TMTC1: variants seen among roughly 807,000 people sequenced by gnomAD.
TMTC1 encodes the protein transmembrane O-mannosyltransferase targeting cadherins 1.
In TMTC1, 73 loss-of-function variants were observed where a neutral mutation model predicts 104.8. The ratio of observed to expected loss-of-function variants is 0.70; its 90% CI spans 0.58 to 0.85. The LOEUF (loss-of-function observed/expected upper bound fraction) is 0.85. Ranked by LOEUF, TMTC1 falls within the 40% of genes least tolerant of loss-of-function variation. TMTC1 has a pLI of 0.00. For synonymous variants in TMTC1, 434 were observed against 428.7 expected (o/e 1.01, Z -0.15); for missense variants, 1,035 against 1,096.1 (o/e 0.94, Z 0.79).
At chr12:29,515,091 C>T (rs1384604885) in intron 15 of TMTC1, among the ~76,000 whole-genome samples, 1 of 152,166 alleles carries the variant, frequency 6.6e-6, no homozygotes, top group Middle Eastern at 3.2e-3. Context: ...CTTTCTTACA[C>T]TCCAGTTTTC....
chr12:29,733,736 T>C (rs1263725062), intron 5 of TMTC1, among the ~76,000 whole-genome samples: 1 of 152,214 alleles, frequency 6.6e-6, no homozygotes, highest in Non-Finnish European at 1.5e-5. Flanking sequence ...GAATCTCTTA[T>C]GAGCTACTTC....
At position 29,502,690 on chromosome 12, in the gene TMTC1, C is replaced by T. The variant is rs906862329; in HGVS notation, c.*4156G>A. ...CATCATTGTTAAGACTTCTTTGGCTCATTTTAGTATAGACTTAAAAGTAAA... is the reference window on the plus strand; with the variant it reads ...CATCATTGTTAAGACTTCTTTGGCTTATTTTAGTATAGACTTAAAAGTAAA... On this transcript the variant is annotated 3_prime_UTR_variant, in exon 18 of 18. Transcript: ENST00000539277. 2.0e-5 allele frequency: 3 copies of T among 152,170 alleles called. No homozygotes were observed. Among genetic ancestry groups the T allele is most frequent in the African/African-American group, 4.8e-5 (2 of 41,438 alleles). 9.4% of individuals were successfully genotyped at this position (152,170 alleles called of 1,614,324 possible).
Position 29,505,975 on chromosome 12 carries a change from C to T in TMTC1, c.*871G>A, listed in dbSNP as rs376000254. 1 of 152,052 alleles carries T rather than the reference C, an allele frequency of 6.6e-6. No individual in the cohort carries two copies. The highest frequency in any genetic ancestry group is 1.5e-5 in the Non-Finnish European group (1 of 68,004). The allele number at this position is 152,052 out of a possible 1,614,324, so 9.4% of individuals were successfully genotyped here. On this transcript the variant is annotated 3_prime_UTR_variant, in exon 18 of 18. Coordinates refer to ENST00000539277, the MANE Select transcript of TMTC1 (RefSeq NM_001193451.2). ...TGAACATTAAGATAATAAAGTAGGA[C>T]ATTTCTCTTAGTTAATATCTTTAAT...
chr12:29,683,354 C>T (rs1204625100), intron 5 of TMTC1, among the ~76,000 whole-genome samples: 5 of 152,076 alleles, frequency 3.3e-5, no homozygotes, highest in Non-Finnish European at 7.4e-5. Flanking sequence ...AAAAAAGCAT[C>T]TAGAAACAGA....
intron 7 of TMTC1, among the ~76,000 whole-genome samples, chr12:29,590,178 A>C (rs1281447183): frequency 6.8e-6 from 1 of 146,672 alleles, no homozygotes; most frequent in Non-Finnish European, 1.5e-5. Context: ...GGCCATATAC[A>C]GTAACAAAAA....
At chr12:29,566,259 A>C (rs1260183404) in intron 9 of TMTC1, among the ~76,000 whole-genome samples, 6 of 152,144 alleles carry the variant, frequency 3.9e-5, no homozygotes, top group Non-Finnish European at 1.5e-5. Context: ...CAGGAAGGTG[A>C]TGTGGCTGGC....
At position 29,724,692 on chromosome 12, in the gene TMTC1, T is replaced by C. The variant is rs375517592; in HGVS notation, c.938+26974A>G. Among the ~76,000 whole-genome samples the C allele has an allele frequency of 3.9e-5, 6 of 152,296 alleles. No individual in the cohort carries two copies. In the South Asian group the frequency reaches 1.0e-3, roughly 26 times the overall value. On this transcript the variant is annotated intron_variant, in intron 5 of 17. Coordinates refer to ENST00000539277, the MANE Select transcript of TMTC1 (RefSeq NM_001193451.2). ...ATATATTTTATGATTCATCTACATA[T>C]ATGTATCATATAGGAATACAAACGT...
At chr12:29,679,492 C>T (rs972756676) in intron 5 of TMTC1, among the ~76,000 whole-genome samples, 1 of 151,972 alleles carries the variant, frequency 6.6e-6, no homozygotes, top group Non-Finnish European at 1.5e-5. Flanking sequence ...GATCAAGGAC[C>T]AGACAAAAAT....
At chr12:29,617,530 A>T (rs1377104541) in intron 6 of TMTC1, among the ~76,000 whole-genome samples, 1 of 127,856 alleles carries the variant, frequency 7.8e-6, no homozygotes, top group African/African-American at 3.3e-5. Flanking sequence ...TAAGCAAAAC[A>T]GACAACAGAG....
chr12:29,520,916 T>C (rs1944133618), intron 11 of TMTC1, 196 bp from the exon 12 acceptor site: 2 of 562,048 alleles, frequency 3.6e-6, no homozygotes, highest in African/African-American at 3.8e-5. Context: ...ATACCCAAAA[T>C]TCATATCTGT....
In TMTC1 at chr12:29,745,340, A is replaced by G. The variant is rs890234538; in HGVS notation, c.938+6326T>C. On this transcript the variant is annotated intron_variant, in intron 5 of 17. Transcript: ENST00000539277. ...CAATTCACTACATTAAAAAGAAACT[A>G]GGCCAGGAGCAGTGGCTCACGACTT... is the stretch of plus-strand genomic sequence containing the variant. Among the ~76,000 whole-genome samples the G allele has an allele frequency of 3.3e-5, 5 of 152,106 alleles. No homozygotes were observed. The East Asian group carries it at 5.8e-4, about 18-fold the overall frequency.
chr12:29,582,625 C>T (rs1179561760), intron 8 of TMTC1, among the ~76,000 whole-genome samples: 1 of 152,182 alleles, frequency 6.6e-6, no homozygotes, highest in Non-Finnish European at 1.5e-5. Context: ...TTCTGTATGC[C>T]TTCCTAGCCT....
At chr12:29,643,796 T>TAC (rs374974647) in intron 5 of TMTC1, among the ~76,000 whole-genome samples, 1 of 46,984 alleles carries the variant, frequency 2.1e-5, no homozygotes, top group African/African-American at 7.5e-5. Flanking sequence ...TATATTTATA[T>TAC]ACATATTTAT....
chr12:29,563,732 T>C (rs967623589), intron 9 of TMTC1, among the ~76,000 whole-genome samples: 1 of 152,206 alleles, frequency 6.6e-6, no homozygotes, highest in African/African-American at 2.4e-5. Flanking sequence ...CCAGACTTTG[T>C]TTTCACAAGC....
intron 5 of TMTC1, among the ~76,000 whole-genome samples, chr12:29,729,006 A>C (rs1018052131): frequency 1.3e-5 from 2 of 150,898 alleles, no homozygotes. Flanking sequence ...TCCAAAAAAA[A>C]AAAAAAAAAA....
At chr12:29,558,346 C>T (rs1304401106) in intron 9 of TMTC1, among the ~76,000 whole-genome samples, 1 of 152,184 alleles carries the variant, frequency 6.6e-6, no homozygotes, top group Admixed American at 6.5e-5. Context: ...GCCCCCTGTT[C>T]TGTACCTTCT....
chr12:29,690,088 C>A (rs1314906455), intron 5 of TMTC1, among the ~76,000 whole-genome samples: 1 of 152,102 alleles, frequency 6.6e-6, no homozygotes, highest in Non-Finnish European at 1.5e-5. Flanking sequence ...CTTTTGAAAC[C>A]AATCCCTGCT....
At chr12:29,550,476 G>A (rs1330670357) in intron 10 of TMTC1, among the ~76,000 whole-genome samples, 2 of 152,108 alleles carry the variant, frequency 1.3e-5, no homozygotes, top group Admixed American at 1.3e-4. Context: ...ACAGAGGAGC[G>A]AGGAGGTGGC....
intron 7 of TMTC1, among the ~76,000 whole-genome samples, chr12:29,592,936 G>A (rs1289296507): frequency 5.3e-5 from 8 of 152,150 alleles, no homozygotes; most frequent in East Asian, 1.9e-4. Context: ...CCAGGTTACC[G>A]TAAGTATAGT....
Sources: allele counts gnomAD v4.1 joint callset (sites outside exome capture counted in the v4.1 genomes callset), GRCh38; gene constraint gnomAD v4.1.1; transcripts MANE v1.5; gene names NCBI Gene and HGNC (gene_info 2026-07-23, HGNC 2026-07-21).